RAB38: variants seen among roughly 807,000 people sequenced by gnomAD.
RAB38 encodes the protein ras-related protein Rab-38.
In RAB38, 15 loss-of-function variants were observed where a neutral mutation model predicts 18.4. That is an observed-to-expected ratio of 0.82 (90% CI 0.55 to 1.26). The LOEUF (loss-of-function observed/expected upper bound fraction) is 1.26, where lower values mean the gene tolerates loss of function less well. Ranked by LOEUF, RAB38 falls within the 50% of genes most tolerant of loss-of-function variation. The pLI, the probability that RAB38 is intolerant of heterozygous loss-of-function variation, is 0.00. For missense variants in RAB38, 294 were observed against 267.4 expected (o/e 1.10, Z -0.69); for synonymous variants, 101 against 104.4 (o/e 0.97, Z 0.20).
the RAB38 span, among the ~76,000 whole-genome samples, chr11:87,862,376 G>A: frequency 6.6e-6 from 1 of 151,892 alleles, no homozygotes; most frequent in Non-Finnish European, 1.5e-5. Flanking sequence ...GGATGGGGGT[G>A]GAGGCCGTTA....
At chr11:87,819,141 A>G in the RAB38 span, among the ~76,000 whole-genome samples, 1 of 152,186 alleles carries the variant, frequency 6.6e-6, no homozygotes. Flanking sequence ...TACCCACTTC[A>G]AGTGACAGCT....
intron 1 of RAB38, chr11:88,165,711 C>G (rs1943236871): frequency 6.6e-6 from 1 of 152,082 alleles, no homozygotes; most frequent in Non-Finnish European, 1.5e-5. Context: ...TATTAACTAT[C>G]CTTTTATTAA....
the RAB38 span, among the ~76,000 whole-genome samples, chr11:87,936,773 T>A: frequency 6.6e-6 from 1 of 152,136 alleles, no homozygotes; most frequent in Middle Eastern, 3.2e-3. Context: ...TGGGGAGAAC[T>A]GAAGTATATA....
chr11:87,808,253 G>A, the RAB38 span, among the ~76,000 whole-genome samples: 4 of 152,238 alleles, frequency 2.6e-5, no homozygotes, highest in African/African-American at 4.8e-5. Context: ...AGATATCTAA[G>A]CTCCCATGTT....
At chr11:87,824,407 A>G in the RAB38 span, among the ~76,000 whole-genome samples, 2 of 152,218 alleles carry the variant, frequency 1.3e-5, no homozygotes, top group African/African-American at 4.8e-5. Context: ...AATGATCAAG[A>G]AACCCTATAC....
intron 1 of RAB38, chr11:88,166,371 C>A (rs1019171708): frequency 6.6e-6 from 1 of 152,086 alleles, no homozygotes; most frequent in African/African-American, 2.4e-5. Context: ...AAGACAGCAC[C>A]CAAACACCTA....
the RAB38 span, among the ~76,000 whole-genome samples, chr11:87,937,649 G>A: frequency 9.8e-3 from 1,487 of 151,898 alleles, 13 homozygotes; most frequent in South Asian, 0.043. Context: ...TGTATTAGGC[G>A]AGTGGTGGTA....
chr11:88,054,969 CA>C, the RAB38 span, among the ~76,000 whole-genome samples: 6 of 151,850 alleles, frequency 4.0e-5, no homozygotes, highest in African/African-American at 7.3e-5. Context: ...AATATGTAGA[CA>C]AAAAAAATCT....
the RAB38 span, among the ~76,000 whole-genome samples, chr11:87,923,577 A>ATG: frequency 7.5e-5 from 11 of 146,206 alleles, no homozygotes; most frequent in South Asian, 6.5e-4. Flanking sequence ...GTGTGTGTGC[A>ATG]TGTGTGTGTG....
chr11:88,034,431 A>G, the RAB38 span, among the ~76,000 whole-genome samples: 6 of 152,178 alleles, frequency 3.9e-5, no homozygotes, highest in African/African-American at 9.7e-5. Flanking sequence ...ATTGCCTACT[A>G]TTTTCAAGAG....
chr11:87,904,075 A>T, the RAB38 span, among the ~76,000 whole-genome samples: 1 of 151,280 alleles, frequency 6.6e-6, no homozygotes, highest in Non-Finnish European at 1.5e-5. Flanking sequence ...AATGCTTTTT[A>T]AAGTTATTGG....
chr11:88,136,915 T>C (rs1942843293), intron 2 of RAB38, among the ~76,000 whole-genome samples: 1 of 152,136 alleles, frequency 6.6e-6, no homozygotes, highest in Admixed American at 6.5e-5. Context: ...CAAATTCTGG[T>C]TTATCTTCTG....
the RAB38 span, among the ~76,000 whole-genome samples, chr11:88,063,634 A>G: frequency 6.6e-6 from 1 of 152,176 alleles, no homozygotes; most frequent in Non-Finnish European, 1.5e-5. Flanking sequence ...CCCAAGTGTC[A>G]AGGGCAGGGC....
chr11:88,113,969 A>T lies in RAB38; in HGVS notation c.*19T>A. ...GGAACAATGAGGTCATTCCTACCAG[A>T]CACCAGCAAAGGTGCCTACTAGGAT... On this transcript the variant is annotated 3_prime_UTR_variant, in exon 3 of 3. Transcript: ENST00000243662. The T allele has an allele frequency of 6.2e-7, 1 of 1,613,850 alleles. No individual in the cohort carries two copies. Among genetic ancestry groups the T allele is most frequent in the Non-Finnish European group, 8.5e-7 (1 of 1,179,746 alleles).
the RAB38 span, among the ~76,000 whole-genome samples, chr11:87,940,114 A>C: frequency 6.6e-6 from 1 of 151,936 alleles, no homozygotes; most frequent in East Asian, 1.9e-4. Context: ...AGTCATACTA[A>C]TAAGAAAAAA....
the RAB38 span, among the ~76,000 whole-genome samples, chr11:88,076,968 A>AG: frequency 9.8e-6 from 1 of 101,760 alleles, no homozygotes; most frequent in Non-Finnish European, 2.0e-5. Flanking sequence ...AAAAAAAAAA[A>AG]AAAAAAAGAA....
intron 1 of RAB38, among the ~76,000 whole-genome samples, chr11:88,150,501 A>G (rs80040901): frequency 1.3e-5 from 2 of 152,198 alleles, no homozygotes; most frequent in African/African-American, 4.8e-5. Flanking sequence ...ACTCTAAACA[A>G]TAAACATAAT....
At chr11:88,134,591 C>T (rs1242384466) in intron 2 of RAB38, among the ~76,000 whole-genome samples, 1 of 152,174 alleles carries the variant, frequency 6.6e-6, no homozygotes, top group African/African-American at 2.4e-5. Flanking sequence ...TTGAGACATC[C>T]TTAAATCCTC....
chr11:87,813,624 G>A, the RAB38 span, among the ~76,000 whole-genome samples: 1 of 152,082 alleles, frequency 6.6e-6, no homozygotes, highest in African/African-American at 2.4e-5. Flanking sequence ...GCATAGTGGG[G>A]TATCTAACCC....
Sources: gnomAD v4.1 joint callset for allele counts (sites outside exome capture counted in the v4.1 genomes callset) on GRCh38, gnomAD v4.1.1 for gene constraint, MANE v1.5 for transcripts, NCBI Gene and HGNC (gene_info 2026-07-23, HGNC 2026-07-21) for gene names.